The following LDB2 variants were observed in gnomAD, a reference collection of about 807,000 sequenced individuals.
LDB2 encodes LIM domain binding 2.
A neutral mutation model predicts 44.3 loss-of-function variants in LDB2; 12 were observed. That is an observed-to-expected ratio of 0.27 (90% CI 0.17 to 0.44). The LOEUF (loss-of-function observed/expected upper bound fraction) is 0.44, where lower values mean the gene tolerates loss of function less well. Among genes scored for constraint, LDB2 ranks in the 20% least tolerant of loss-of-function variants. The pLI, the probability that LDB2 is intolerant of heterozygous loss-of-function variation, is 1.00. For synonymous variants in LDB2, 164 were observed against 174.8 expected (o/e 0.94, Z 0.49); for missense variants, 344 against 473.5 (o/e 0.73, Z 2.54).
At chr4:16,672,411 T>C (rs16868311) in intron 2 of LDB2, among the ~76,000 whole-genome samples, 19,762 of 152,134 alleles carry the variant, frequency 0.13, 1,488 homozygotes, top group East Asian at 0.32. Flanking sequence ...TGAAAGTTCA[T>C]TGGCACCATC....
At chr4:16,876,193 C>T (rs756084577) in intron 1 of LDB2, among the ~76,000 whole-genome samples, 3 of 152,210 alleles carry the variant, frequency 2.0e-5, no homozygotes, top group African/African-American at 4.8e-5. Flanking sequence ...AAGTACCCTA[C>T]GTGCAACAAT....
rs536196699 is a variant in LDB2 at position 16,812,928 on chromosome 4, C to T, written c.133-53668G>A. Among the ~76,000 whole-genome samples the T allele has an allele frequency of 2.4e-4, 36 of 151,958 alleles. No individual in the cohort carries two copies. In the East Asian group the frequency reaches 6.8e-3, roughly 29 times the overall value. ...ACAAAAATTAACATTTAAATATTAC[C>T]AATGGGACACAGAGCTAGAGAAAGA... On this transcript the variant is annotated intron_variant, in intron 1 of 7. Coordinates refer to ENST00000304523, the MANE Select transcript of LDB2 (RefSeq NM_001290.5).
intron 2 of LDB2, among the ~76,000 whole-genome samples, chr4:16,616,768 C>A (rs1368080622): frequency 6.6e-6 from 1 of 152,080 alleles, no homozygotes; most frequent in Non-Finnish European, 1.5e-5. Flanking sequence ...TTGGCTGCCT[C>A]CTCGAGTAAA....
At chr4:16,893,676 T>C (rs1580556730) in intron 1 of LDB2, among the ~76,000 whole-genome samples, 1 of 152,290 alleles carries the variant, frequency 6.6e-6, no homozygotes, top group East Asian at 1.9e-4. Context: ...CAGCTTCCGA[T>C]TGTAATCACA....
At chr4:16,712,814 A>T (rs1385095328) in intron 2 of LDB2, among the ~76,000 whole-genome samples, 1 of 152,222 alleles carries the variant, frequency 6.6e-6, no homozygotes, top group Admixed American at 6.5e-5. Flanking sequence ...TCAAAATGTT[A>T]TGCATCAAAC....
intron 1 of LDB2, among the ~76,000 whole-genome samples, chr4:16,833,456 G>A (rs1245317007): frequency 6.6e-6 from 1 of 151,892 alleles, no homozygotes; most frequent in East Asian, 1.9e-4. Flanking sequence ...TACTTATTGA[G>A]TGTCAGTTGT....
intron 2 of LDB2, among the ~76,000 whole-genome samples, chr4:16,603,099 T>A (rs1027346408): frequency 7.9e-5 from 12 of 152,210 alleles, no homozygotes; most frequent in Non-Finnish European, 1.2e-4. Context: ...TTCTTCTAGA[T>A]GTGTGTCTTT....
At chr4:16,605,338 A>G (rs1723633159) in intron 2 of LDB2, among the ~76,000 whole-genome samples, 1 of 152,214 alleles carries the variant, frequency 6.6e-6, no homozygotes, top group African/African-American at 2.4e-5. Flanking sequence ...GTAAAACTAC[A>G]TAGCTTACTT....
At chr4:16,739,056 G>A (rs986723936) in intron 2 of LDB2, among the ~76,000 whole-genome samples, 1 of 152,002 alleles carries the variant, frequency 6.6e-6, no homozygotes, top group African/African-American at 2.4e-5. Flanking sequence ...GAAAGAGAAG[G>A]CTTTTTCCAA....
At chr4:16,839,262 C>T (rs1163553340) in intron 1 of LDB2, among the ~76,000 whole-genome samples, 1 of 152,152 alleles carries the variant, frequency 6.6e-6, no homozygotes, top group Non-Finnish European at 1.5e-5. Flanking sequence ...CTGGCGAAAA[C>T]CTCAGGCTGC....
At chr4:16,636,177 C>G (rs1733546183) in intron 2 of LDB2, among the ~76,000 whole-genome samples, 1 of 152,204 alleles carries the variant, frequency 6.6e-6, no homozygotes. Context: ...CCCAGTTTTA[C>G]AGAAGAAACT....
chr4:16,590,067 A>T (rs2152431671), intron 3 of LDB2, among the ~76,000 whole-genome samples: 1 of 152,320 alleles, frequency 6.6e-6, no homozygotes, highest in Non-Finnish European at 1.5e-5. Context: ...CCAAGAAAAC[A>T]CAAAGCGCTA....
In LDB2 at chr4:16,739,604, ATATATGTATATATACATGTGTGTG is replaced by A. The variant is rs1379128787; in HGVS notation, c.235+19530_235+19553del. Among the ~76,000 whole-genome samples the A allele has an allele frequency of 1.1e-3, 98 of 89,206 alleles. 19 individuals carry two copies. Among genetic ancestry groups the A allele is most frequent in the Non-Finnish European group, 1.9e-3 (85 of 45,836 alleles). The allele number at this position is 89,206 out of a possible 152,430, so 58.5% of individuals were successfully genotyped here. A position where few individuals can be genotyped will look rare whatever the true frequency, so the allele number is the denominator to read the frequency against. ...AAAAAAAAAAAATATATATATATAT[ATATATGTATATATACATGTGTGTG>A]TATATATGTATATATACATATGTGT... On this transcript the variant is annotated intron_variant, in intron 2 of 7. Coordinates refer to ENST00000304523, the MANE Select transcript of LDB2 (RefSeq NM_001290.5).
intron 5 of LDB2, among the ~76,000 whole-genome samples, chr4:16,583,468 G>A (rs1715522428): frequency 6.6e-6 from 1 of 152,184 alleles, no homozygotes; most frequent in African/African-American, 2.4e-5. Flanking sequence ...TCTGGGGCTT[G>A]AGACAAAGGC....
At chr4:16,727,410 C>A (rs1031016311) in intron 2 of LDB2, among the ~76,000 whole-genome samples, 4 of 152,180 alleles carry the variant, frequency 2.6e-5, no homozygotes, top group African/African-American at 9.7e-5. Context: ...ACTCTGCACC[C>A]TGCTCCAGGA....
chr4:16,663,030 C>T (rs1560798911), intron 2 of LDB2, among the ~76,000 whole-genome samples: 1 of 152,194 alleles, frequency 6.6e-6, no homozygotes, highest in South Asian at 2.1e-4. Flanking sequence ...CATAGAACCA[C>T]TCCAAGTATT....
At chr4:16,593,365 C>T (rs946815139) in intron 3 of LDB2, among the ~76,000 whole-genome samples, 8 of 151,960 alleles carry the variant, frequency 5.3e-5, no homozygotes, top group Non-Finnish European at 1.0e-4. Context: ...TTGTAGTAAA[C>T]AGCCATGATA....
intron 1 of LDB2, among the ~76,000 whole-genome samples, chr4:16,790,283 G>A (rs980938427): frequency 6.6e-6 from 1 of 152,204 alleles, no homozygotes; most frequent in African/African-American, 2.4e-5. Context: ...ACTCAGGTCT[G>A]CATGCCCTCA....
At chr4:16,860,162 T>C (rs1334492287) in intron 1 of LDB2, among the ~76,000 whole-genome samples, 1 of 152,192 alleles carries the variant, frequency 6.6e-6, no homozygotes, top group Non-Finnish European at 1.5e-5. Flanking sequence ...AGAAGACGGA[T>C]GGATTTGGGT....
Sources: gnomAD v4.1 joint callset for allele counts (sites outside exome capture counted in the v4.1 genomes callset) on GRCh38, gnomAD v4.1.1 for gene constraint, MANE v1.5 for transcripts, NCBI Gene and HGNC (gene_info 2026-07-23, HGNC 2026-07-21) for gene names.